The following PDZRN4 variants were observed in gnomAD, a reference collection of about 807,000 sequenced individuals.
The protein encoded by PDZRN4 is PDZ domain-containing RING finger protein 4.
A neutral mutation model predicts 99.0 loss-of-function variants in PDZRN4; 70 were observed. The ratio of observed to expected loss-of-function variants is 0.71; its 90% CI spans 0.58 to 0.86. PDZRN4 has a LOEUF of 0.86. PDZRN4 is among the 40% of genes least tolerant of loss of function. The pLI is 0.00. For synonymous variants in PDZRN4, 551 were observed against 501.6 expected (o/e 1.10, Z -1.32); for missense variants, 1,474 against 1,331.2 (o/e 1.11, Z -1.67).
At chr12:41,454,645 G>T (rs1413986184) in intron 3 of PDZRN4, among the ~76,000 whole-genome samples, 3 of 152,188 alleles carry the variant, frequency 2.0e-5, no homozygotes, top group Non-Finnish European at 1.5e-5. Flanking sequence ...AGGATGGCAG[G>T]AGATATTCTA....
At chr12:41,526,044 C>G (rs1452062273) in intron 5 of PDZRN4, among the ~76,000 whole-genome samples, 2 of 152,148 alleles carry the variant, frequency 1.3e-5, no homozygotes, top group Non-Finnish European at 2.9e-5. Flanking sequence ...CTTCCACTAC[C>G]TTATAATCTC....
intron 3 of PDZRN4, among the ~76,000 whole-genome samples, chr12:41,426,218 T>A (rs922617701): frequency 3.3e-5 from 5 of 152,336 alleles, no homozygotes; most frequent in African/African-American, 1.2e-4. Flanking sequence ...TCTTTGCCTG[T>A]CACCAACAGC....
chr12:41,188,396 C>CA lies in PDZRN4; in HGVS notation c.-59dup. 4 of 1,431,688 alleles carry CA rather than the reference C, an allele frequency of 2.8e-6. No homozygotes were observed. Among genetic ancestry groups the CA allele is most frequent in the Non-Finnish European group, 3.7e-6 (4 of 1,086,910 alleles). 88.7% of individuals were successfully genotyped at this position (1,431,688 alleles called of 1,614,324 possible). A position where few individuals can be genotyped will look rare whatever the true frequency, so the allele number is the denominator to read the frequency against. Reference sequence around the variant, plus strand: ...TGCCCCGGGGGTGGCCCGGGGAAGGCAGGGGGGCTCGGAGAAGACGGACTC... The same window carrying CA: ...TGCCCCGGGGGTGGCCCGGGGAAGGCAAGGGGGGCTCGGAGAAGACGGACTC... On this transcript the variant is annotated 5_prime_UTR_variant, in exon 1 of 10. Transcript: ENST00000402685.
chr12:41,354,392 G>A (rs1565560453), intron 3 of PDZRN4, among the ~76,000 whole-genome samples: 1 of 151,790 alleles, frequency 6.6e-6, no homozygotes, highest in Admixed American at 6.6e-5. Context: ...AGTGTCCGTT[G>A]AGAACAACCC....
At chr12:41,567,625 C>A (rs1939398251) in intron 8 of PDZRN4, among the ~76,000 whole-genome samples, 158 bp from the exon 9 acceptor site, 1 of 144,700 alleles carries the variant, frequency 6.9e-6, no homozygotes, top group Admixed American at 6.9e-5. Flanking sequence ...TTTTTATCAC[C>A]TTTTCTTCTT....
intron 3 of PDZRN4, among the ~76,000 whole-genome samples, chr12:41,421,437 C>T (rs1952489369): frequency 6.6e-6 from 1 of 152,294 alleles, no homozygotes; most frequent in East Asian, 1.9e-4. Context: ...AGATGATCCA[C>T]CTACCTTGGC....
chr12:41,250,724 G>T (rs1033616008), intron 3 of PDZRN4, among the ~76,000 whole-genome samples: 1 of 152,214 alleles, frequency 6.6e-6, no homozygotes, highest in African/African-American at 2.4e-5. Flanking sequence ...TTGCACTTAC[G>T]TGTTGAGAGG....
chr12:41,270,574 T>C (rs12305924), intron 3 of PDZRN4, among the ~76,000 whole-genome samples: 12,338 of 152,124 alleles, frequency 0.081, 635 homozygotes, highest in African/African-American at 0.14. Context: ...TCAGTGAAGA[T>C]ACAAAATTGG....
rs1350270445 is a variant in PDZRN4 at position 41,518,987 on chromosome 12, GT to G, written c.1203+9077del. Among the ~76,000 whole-genome samples, 6 of 152,048 alleles carry G rather than the reference GT, an allele frequency of 3.9e-5. No individual in the cohort carries two copies. In the South Asian group the frequency reaches 8.3e-4, roughly 21 times the overall value. On this transcript the variant is annotated intron_variant, in intron 5 of 9. Coordinates refer to ENST00000402685, the MANE Select transcript of PDZRN4 (RefSeq NM_001164595.2). ...AAAAGGTGCTTGGAATAAATATCCA[GT>G]TTATGGAAATAATATAGTTTCATCA... is the stretch of plus-strand genomic sequence containing the variant.
intron 5 of PDZRN4, among the ~76,000 whole-genome samples, chr12:41,538,389 A>G (rs1938785590): frequency 6.6e-6 from 1 of 152,176 alleles, no homozygotes; most frequent in African/African-American, 2.4e-5. Context: ...TACTTATTTA[A>G]GAAACGTTAT....
At chr12:41,318,621 C>T (rs1309294285) in intron 3 of PDZRN4, among the ~76,000 whole-genome samples, 3 of 152,170 alleles carry the variant, frequency 2.0e-5, no homozygotes, top group Non-Finnish European at 4.4e-5. Context: ...ATTTGTATCA[C>T]ACTTTACTTT....
At chr12:41,262,043 T>C (rs565537832) in intron 3 of PDZRN4, among the ~76,000 whole-genome samples, 2 of 152,242 alleles carry the variant, frequency 1.3e-5, no homozygotes, top group South Asian at 4.1e-4. Flanking sequence ...TGTCCGGTGA[T>C]TGCAATTTCT....
chr12:41,532,293 T>C (rs1374358420), intron 5 of PDZRN4, among the ~76,000 whole-genome samples: 1 of 152,226 alleles, frequency 6.6e-6, no homozygotes, highest in Non-Finnish European at 1.5e-5. Context: ...TCAAACTCTG[T>C]GTCATACTAC....
intron 3 of PDZRN4, among the ~76,000 whole-genome samples, chr12:41,264,110 A>T (rs1422369623): frequency 6.6e-6 from 1 of 152,228 alleles, no homozygotes; most frequent in Non-Finnish European, 1.5e-5. Flanking sequence ...TGGAAATTCT[A>T]TCATTTAGCT....
chr12:41,555,453 G>A (rs1367229800), intron 6 of PDZRN4, among the ~76,000 whole-genome samples: 1 of 151,636 alleles, frequency 6.6e-6, no homozygotes, highest in Admixed American at 6.6e-5. Flanking sequence ...GAGAAAGGGT[G>A]GAAAACTGGT....
At chr12:41,469,038 C>T (rs1197831065) in intron 3 of PDZRN4, among the ~76,000 whole-genome samples, 1 of 151,874 alleles carries the variant, frequency 6.6e-6, no homozygotes, top group Non-Finnish European at 1.5e-5. Flanking sequence ...TTACTCAAAT[C>T]ATCTGACCTT....
chr12:41,234,861 A>G (rs967388621), intron 3 of PDZRN4, among the ~76,000 whole-genome samples: 5 of 152,068 alleles, frequency 3.3e-5, no homozygotes, highest in African/African-American at 4.8e-5. Flanking sequence ...TGAAATGTCA[A>G]TGAGCACGAG....
At chr12:41,545,441 C>T (rs1392809549) in intron 5 of PDZRN4, among the ~76,000 whole-genome samples, 1 of 151,804 alleles carries the variant, frequency 6.6e-6, no homozygotes, top group Non-Finnish European at 1.5e-5. Flanking sequence ...TTCCAGTAGC[C>T]CCCAACCTAG....
chr12:41,456,487 G>A (rs1366900569), intron 3 of PDZRN4, among the ~76,000 whole-genome samples: 2 of 152,100 alleles, frequency 1.3e-5, no homozygotes, highest in Non-Finnish European at 2.9e-5. Flanking sequence ...TTAGGCAAGG[G>A]AATAATCCAA....
Sources: gnomAD v4.1 joint callset for allele counts (sites outside exome capture counted in the v4.1 genomes callset) on GRCh38, gnomAD v4.1.1 for gene constraint, MANE v1.5 for transcripts, NCBI Gene and HGNC (gene_info 2026-07-23, HGNC 2026-07-21) for gene names.